CCDC178: variants seen among roughly 807,000 people sequenced by gnomAD.
CCDC178 encodes the protein coiled-coil domain-containing protein 178.
Under a neutral mutation model 117.4 loss-of-function variants are expected in CCDC178, and 126 were observed. That is an observed-to-expected ratio of 1.07 (90% CI 0.93 to 1.24). CCDC178 has a LOEUF of 1.24. Among genes scored for constraint, CCDC178 ranks in the 50% most tolerant of loss-of-function variants. The pLI, the probability that CCDC178 is intolerant of heterozygous loss-of-function variation, is 0.00. For synonymous variants in CCDC178, 283 were observed against 313.4 expected, an observed-to-expected ratio of 0.90 and a Z score of 1.02; for missense variants, 1,030 against 986.9, an observed-to-expected ratio of 1.04 and a Z score of -0.59.
chr18:33,221,681 C>G (rs2059236267), intron 18 of CCDC178, among the ~76,000 whole-genome samples: 2 of 152,052 alleles, frequency 1.3e-5, no homozygotes, highest in Non-Finnish European at 2.9e-5. Context: ...AATTTAAAAA[C>G]CTTCTGCTTT....
At chr18:33,040,224 T>C (rs1012057847) in intron 21 of CCDC178, among the ~76,000 whole-genome samples, 4 of 151,798 alleles carry the variant, frequency 2.6e-5, no homozygotes, top group African/African-American at 9.7e-5. Flanking sequence ...GACCAAAATA[T>C]CACAGAAATA....
intron 21 of CCDC178, among the ~76,000 whole-genome samples, chr18:33,051,201 T>G (rs921162412): frequency 6.6e-6 from 1 of 152,148 alleles, no homozygotes; most frequent in African/African-American, 2.4e-5. Flanking sequence ...CATAAGCCAC[T>G]GCACCCAGCC....
intron 21 of CCDC178, among the ~76,000 whole-genome samples, chr18:33,091,089 CG>C (rs1243491524): frequency 1.3e-5 from 2 of 151,954 alleles, no homozygotes; most frequent in East Asian, 3.9e-4. Context: ...TGCTCCCCCC[CG>C]ATTAGAAAAG....
intron 20 of CCDC178, among the ~76,000 whole-genome samples, chr18:33,120,704 T>C (rs969918709): frequency 7.2e-5 from 11 of 152,152 alleles, no homozygotes; most frequent in African/African-American, 2.4e-4. Flanking sequence ...CTACAATAGT[T>C]ACATGGATTT....
rs199745115 is a variant in CCDC178 at position 33,127,015 on chromosome 18, T to TACAC, written c.2239-34109_2239-34106dup. Among the ~76,000 whole-genome samples the TACAC allele has an allele frequency of 1.9e-3, 264 of 142,402 alleles. 1 individual carries two copies. The highest frequency in any genetic ancestry group is 6.1e-3 in the African/African-American group (230 of 37,640). 93.4% of individuals were successfully genotyped at this position (142,402 alleles called of 152,430 possible). On this transcript the variant is annotated intron_variant, in intron 20 of 22. Transcript: ENST00000383096. ...AAAAAAAAATATATATATATATATA[T>TACAC]ACACACACACACACACACACACACA...
chr18:33,265,424 A>G (rs1282336310), intron 14 of CCDC178, among the ~76,000 whole-genome samples: 1 of 152,112 alleles, frequency 6.6e-6, no homozygotes, highest in African/African-American at 2.4e-5. Context: ...CATGTGTATC[A>G]CATGTACATA....
chr18:33,223,734 CTCAG>C (rs1379240308), intron 17 of CCDC178, among the ~76,000 whole-genome samples: 1 of 152,036 alleles, frequency 6.6e-6, no homozygotes, highest in African/African-American at 2.4e-5. Context: ...CATTATTGTA[CTCAG>C]ACAACCTCAC....
intron 12 of CCDC178, among the ~76,000 whole-genome samples, chr18:33,284,917 G>GCACA (rs151075460): frequency 6.7e-6 from 1 of 148,430 alleles, no homozygotes; most frequent in Non-Finnish European, 1.5e-5. Flanking sequence ...AAGAAAGAAT[G>GCACA]CACACACACA....
In CCDC178 at chr18:33,251,006, A is replaced by T. The variant is rs1037167582; in HGVS notation, c.1410-5578T>A. Among the ~76,000 whole-genome samples the T allele has an allele frequency of 5.3e-5, 8 of 151,842 alleles. 1 individual carries two copies. The South Asian group carries it at 1.7e-3, about 31-fold the overall frequency. On this transcript the variant is annotated intron_variant, in intron 14 of 22. Transcript: ENST00000383096. Reference sequence around the variant, plus strand: ...AAGAAAACAATAAAAAAACCTTCAAATTAAGGAGAAAAATTGACACTGGAT... The same window carrying T: ...AAGAAAACAATAAAAAAACCTTCAATTTAAGGAGAAAAATTGACACTGGAT...
At chr18:33,194,158 A>T (rs936926961) in intron 20 of CCDC178, among the ~76,000 whole-genome samples, 2 of 152,130 alleles carry the variant, frequency 1.3e-5, no homozygotes, top group African/African-American at 4.8e-5. Flanking sequence ...ATATGTATTA[A>T]CCTCTGTATA....
chr18:33,418,003 C>A (rs2063969937), intron 2 of CCDC178, among the ~76,000 whole-genome samples: 1 of 152,076 alleles, frequency 6.6e-6, no homozygotes, highest in Non-Finnish European at 1.5e-5. Context: ...ATTAGGCCAG[C>A]ATCATTCTGC....
At chr18:32,988,025 G>A (rs1042465376) in intron 21 of CCDC178, among the ~76,000 whole-genome samples, 2 of 150,622 alleles carry the variant, frequency 1.3e-5, no homozygotes, top group Admixed American at 1.3e-4. Context: ...TGCAGTGAGC[G>A]GAGATTGTGC....
At chr18:33,381,966 G>T (rs1392851215) in intron 5 of CCDC178, among the ~76,000 whole-genome samples, 1 of 151,606 alleles carries the variant, frequency 6.6e-6, no homozygotes, top group African/African-American at 2.4e-5. Flanking sequence ...AGATATTCCA[G>T]TATCTTGAAT....
intron 14 of CCDC178, among the ~76,000 whole-genome samples, chr18:33,247,017 C>T (rs2059557244): frequency 6.6e-6 from 1 of 150,582 alleles, no homozygotes; most frequent in South Asian, 2.1e-4. Flanking sequence ...AAGAGATAAA[C>T]AAGAAGATAT....
At chr18:33,361,984 G>A (rs922185168) in intron 6 of CCDC178, among the ~76,000 whole-genome samples, 7 of 151,720 alleles carry the variant, frequency 4.6e-5, no homozygotes, top group Non-Finnish European at 7.4e-5. Context: ...GCACCAGCTC[G>A]TAAAGATATC....
chr18:33,074,331 C>T (rs1353539442), intron 21 of CCDC178, among the ~76,000 whole-genome samples: 1 of 152,088 alleles, frequency 6.6e-6, no homozygotes, highest in African/African-American at 2.4e-5. Flanking sequence ...TCCCTTTATG[C>T]CCTGTTCCAA....
At chr18:33,371,300 T>G (rs1049442489) in intron 5 of CCDC178, among the ~76,000 whole-genome samples, 1 of 151,974 alleles carries the variant, frequency 6.6e-6, no homozygotes, top group Non-Finnish European at 1.5e-5. Context: ...TATGTGTATA[T>G]ATATATAAAT....
At position 33,276,238 on chromosome 18, in the gene CCDC178, A is replaced by G. The variant is rs573446755; in HGVS notation, c.1177-8941T>C. 1.6e-4 allele frequency among the ~76,000 whole-genome samples: 24 copies of G among 152,262 alleles called. 1 individual carries two copies. The South Asian group carries it at 5.0e-3, about 32-fold the overall frequency. On this transcript the variant is annotated intron_variant, in intron 12 of 22. Coordinates refer to ENST00000383096, the MANE Select transcript of CCDC178 (RefSeq NM_001105528.4). ...ATGTTTCATTTTAATAAATGAATGCATTTCAGTGCATATTTCAAATGTTGT... is the reference window on the plus strand; with the variant it reads ...ATGTTTCATTTTAATAAATGAATGCGTTTCAGTGCATATTTCAAATGTTGT...
chr18:32,988,848 T>C (rs533109243), intron 21 of CCDC178, among the ~76,000 whole-genome samples: 15 of 152,120 alleles, frequency 9.9e-5, no homozygotes, highest in African/African-American at 3.4e-4. Context: ...TATGAGTAAT[T>C]TTATGTAGTA....
Sources: gnomAD v4.1 joint callset for allele counts (sites outside exome capture counted in the v4.1 genomes callset) on GRCh38, gnomAD v4.1.1 for gene constraint, MANE v1.5 for transcripts, NCBI Gene and HGNC (gene_info 2026-07-23, HGNC 2026-07-21) for gene names.